PLCB1: variants seen among roughly 807,000 people sequenced by gnomAD.
PLCB1 encodes 1-phosphatidylinositol 4,5-bisphosphate phosphodiesterase beta-1.
In PLCB1, 46 loss-of-function variants were observed where a neutral mutation model predicts 161.8. The ratio of observed to expected loss-of-function variants is 0.28; its 90% CI spans 0.22 to 0.36. PLCB1 has a LOEUF of 0.36. Among genes scored for constraint, PLCB1 ranks in the 10% least tolerant of loss-of-function variants. The pLI, the probability that PLCB1 is intolerant of heterozygous loss-of-function variation, is 1.00. For synonymous variants in PLCB1, 517 were observed against 503.7 expected (o/e 1.03, Z -0.35); for missense variants, 1,016 against 1,472.5 (o/e 0.69, Z 5.07).
Position 8,727,820 on chromosome 20 carries a change from T to C in PLCB1, c.1763+427T>C, listed in dbSNP as rs560361275. Among the ~76,000 whole-genome samples, 17 of 152,202 alleles carry C rather than the reference T, an allele frequency of 1.1e-4. No homozygotes were observed. The East Asian group carries it at 3.3e-3, about 29-fold the overall frequency. ...CCTGACTTGGCATCTCACATACTTATATGTACTATATGTCCAAATAGTAGG... is the reference window on the plus strand; with the variant it reads ...CCTGACTTGGCATCTCACATACTTACATGTACTATATGTCCAAATAGTAGG... On this transcript the variant is annotated intron_variant, in intron 17 of 31. Coordinates refer to ENST00000338037, the MANE Select transcript of PLCB1 (RefSeq NM_015192.4).
chr20:8,847,791 GT>G (rs1227270272), intron 31 of PLCB1, among the ~76,000 whole-genome samples: 2 of 152,192 alleles, frequency 1.3e-5, no homozygotes, highest in African/African-American at 4.8e-5. Context: ...TAGATTTACA[GT>G]TTATCAAGAA....
intron 2 of PLCB1, among the ~76,000 whole-genome samples, chr20:8,256,565 G>T (rs1323124289): frequency 3.9e-5 from 6 of 152,076 alleles, no homozygotes; most frequent in Non-Finnish European, 8.8e-5. Context: ...GAGGTCACAG[G>T]CCAGCCCAGA....
At chr20:8,837,695 G>C (rs1986342020) in intron 31 of PLCB1, among the ~76,000 whole-genome samples, 1 of 152,162 alleles carries the variant, frequency 6.6e-6, no homozygotes, top group Non-Finnish European at 1.5e-5. Flanking sequence ...GAGAGTCCTG[G>C]AGACATACCT....
chr20:8,640,020 G>A (rs770252681), intron 4 of PLCB1, among the ~76,000 whole-genome samples: 4 of 152,084 alleles, frequency 2.6e-5, no homozygotes, highest in Non-Finnish European at 5.9e-5. Context: ...AAGAACTAAC[G>A]GGATTGAGTT....
In PLCB1 at chr20:8,781,440, A is replaced by G. The variant is rs532463523; in HGVS notation, c.3111+6721A>G. On this transcript the variant is annotated intron_variant, in intron 27 of 31. Transcript: ENST00000338037. ...CAAACACACACACACACACACACAC[A>G]CACACACAAAGATCCAAATCCATAT... is the stretch of plus-strand genomic sequence containing the variant. Among the ~76,000 whole-genome samples, 10 of 111,020 alleles carry G rather than the reference A, an allele frequency of 9.0e-5. No individual in the cohort carries two copies. The South Asian group carries it at 2.9e-3, about 32-fold the overall frequency. 72.8% of individuals were successfully genotyped at this position (111,020 alleles called of 152,430 possible).
At chr20:8,362,248 A>T (rs1986567978) in intron 2 of PLCB1, among the ~76,000 whole-genome samples, 1 of 152,192 alleles carries the variant, frequency 6.6e-6, no homozygotes, top group Non-Finnish European at 1.5e-5. Context: ...ATCCATGGTG[A>T]TTATGGAACT....
intron 10 of PLCB1, 49 bp from the exon 11 acceptor site, chr20:8,697,576 TC>T: frequency 2.5e-6 from 4 of 1,595,882 alleles, no homozygotes; most frequent in Non-Finnish European, 3.4e-6. Context: ...AGCACCACGG[TC>T]ATCCTTGCTT....
chr20:8,587,748 T>C (rs1218578408), intron 3 of PLCB1, among the ~76,000 whole-genome samples: 1 of 152,210 alleles, frequency 6.6e-6, no homozygotes, highest in Non-Finnish European at 1.5e-5. Flanking sequence ...CTGGAATTTG[T>C]GTATATAGCA....
chr20:8,377,791 A>G (rs1437265642), intron 3 of PLCB1, among the ~76,000 whole-genome samples: 1 of 152,204 alleles, frequency 6.6e-6, no homozygotes, highest in African/African-American at 2.4e-5. Flanking sequence ...AAAAAAATCC[A>G]GAATTTGGTT....
chr20:8,401,036 A>T (rs1978528349), intron 3 of PLCB1, among the ~76,000 whole-genome samples: 1 of 152,064 alleles, frequency 6.6e-6, no homozygotes, highest in Non-Finnish European at 1.5e-5. Context: ...GTTTCTTCAT[A>T]CTCTTGCCAA....
intron 10 of PLCB1, among the ~76,000 whole-genome samples, chr20:8,686,025 A>T (rs1382898066): frequency 6.6e-6 from 1 of 152,190 alleles, no homozygotes; most frequent in African/African-American, 2.4e-5. Flanking sequence ...AAATGTTATG[A>T]TATATAACCT....
intron 7 of PLCB1, among the ~76,000 whole-genome samples, chr20:8,650,169 T>C (rs537376231): frequency 6.6e-6 from 1 of 152,042 alleles, no homozygotes; most frequent in African/African-American, 2.4e-5. Flanking sequence ...CCCTTCTTGA[T>C]GTTTTTTTTA....
chr20:8,755,517 A>T (rs535944846), intron 23 of PLCB1, among the ~76,000 whole-genome samples: 19 of 152,348 alleles, frequency 1.2e-4, no homozygotes, highest in Non-Finnish European at 2.6e-4. Context: ...AAGCAACATT[A>T]AAAGAGTATG....
At position 8,245,726 on chromosome 20, in the gene PLCB1, C is replaced by T. The variant is rs180801581; in HGVS notation, c.177+95355C>T. Among the ~76,000 whole-genome samples, 274 of 151,880 alleles carry T rather than the reference C, an allele frequency of 1.8e-3. 1 individual carries two copies. Among genetic ancestry groups the T allele is most frequent in the African/African-American group, 6.2e-3 (259 of 41,456 alleles). On this transcript the variant is annotated intron_variant, in intron 2 of 31. Transcript: ENST00000338037. ...AAAAGACTATATGTAAGAGTGTATG[C>T]GTTTGGTATGATGGAAAGAGCATTG... is the stretch of plus-strand genomic sequence containing the variant.
chr20:8,321,008 CAG>C (rs1284430743), intron 2 of PLCB1, among the ~76,000 whole-genome samples: 1 of 143,046 alleles, frequency 7.0e-6, no homozygotes, highest in African/African-American at 2.6e-5. Context: ...GGAAGTAAAA[CAG>C]GGAGGGAGAT....
intron 3 of PLCB1, among the ~76,000 whole-genome samples, chr20:8,539,641 T>TTTCTTTCC (rs1985208671): frequency 2.0e-5 from 1 of 51,150 alleles, no homozygotes; most frequent in African/African-American, 8.8e-5. Flanking sequence ...TCTTTCTTTC[T>TTTCTTTCC]TTCTTTCTTT....
chr20:8,800,605 C>T (rs1448234636), intron 31 of PLCB1, among the ~76,000 whole-genome samples: 2 of 152,142 alleles, frequency 1.3e-5, no homozygotes, highest in African/African-American at 4.8e-5. Flanking sequence ...GAGTAGCCAG[C>T]AGCATGTGCC....
At chr20:8,715,155 T>A (rs753912362) in intron 12 of PLCB1, among the ~76,000 whole-genome samples, 2 of 152,366 alleles carry the variant, frequency 1.3e-5, no homozygotes, top group Non-Finnish European at 1.5e-5. Flanking sequence ...TTCGACAGAC[T>A]GTAGATCAAA....
chr20:8,729,189 G>C lies in PLCB1; in HGVS notation c.1888+15G>C, dbSNP rs561045819. ...CCAGACAATGGGTAAGTACATGCTT[G>C]TTCCCATTCTGCTATGAACTCACAT... On this transcript the variant is annotated intron_variant, in intron 18 of 31. Transcript: ENST00000338037. The C allele has an allele frequency of 6.3e-7, 1 of 1,588,020 alleles. No individual in the cohort carries two copies. Among genetic ancestry groups the C allele is most frequent in the South Asian group, 1.2e-5 (1 of 85,476 alleles).
Sources: gnomAD v4.1 joint callset for allele counts (sites outside exome capture counted in the v4.1 genomes callset) on GRCh38, gnomAD v4.1.1 for gene constraint, MANE v1.5 for transcripts, NCBI Gene and HGNC (gene_info 2026-07-23, HGNC 2026-07-21) for gene names.